Variants in EBF1 observed in about 807,000 individuals in gnomAD.
EBF1 encodes EBF transcription factor 1.
In EBF1, 10 loss-of-function variants were observed where a neutral mutation model predicts 68.4. The observed-to-expected ratio is 0.15, with a 90% CI of 0.09 to 0.25. EBF1 has a LOEUF of 0.25. Among genes scored for constraint, EBF1 ranks in the 10% least tolerant of loss-of-function variants. The pLI, the probability that EBF1 is intolerant of heterozygous loss-of-function variation, is 1.00. For synonymous variants in EBF1, 298 were observed against 299.8 expected (o/e 0.99, Z 0.06); for missense variants, 509 against 794.4 (o/e 0.64, Z 4.32).
intron 6 of EBF1, among the ~76,000 whole-genome samples, chr5:158,900,369 T>C (rs1803038220): frequency 6.6e-6 from 1 of 152,184 alleles, no homozygotes; most frequent in Non-Finnish European, 1.5e-5. Flanking sequence ...TTTTCCTTCC[T>C]AATGAAATCA....
At chr5:159,056,382 A>G (rs1774725836) in intron 6 of EBF1, among the ~76,000 whole-genome samples, 1 of 152,018 alleles carries the variant, frequency 6.6e-6, no homozygotes. Context: ...CCTTTGCCCC[A>G]TACTCTGAAA....
intron 6 of EBF1, among the ~76,000 whole-genome samples, chr5:158,943,690 T>C (rs1021557076): frequency 6.6e-6 from 1 of 152,114 alleles, no homozygotes; most frequent in Non-Finnish European, 1.5e-5. Flanking sequence ...GAAGTCTGAA[T>C]TCCTGGGAAA....
chr5:158,992,244 T>A (rs1760481769), intron 6 of EBF1, among the ~76,000 whole-genome samples: 1 of 151,722 alleles, frequency 6.6e-6, no homozygotes, highest in African/African-American at 2.4e-5. Flanking sequence ...AAAAAAGTAT[T>A]CCTTTTACCT....
intron 15 of EBF1, among the ~76,000 whole-genome samples, chr5:158,706,634 C>T (rs1203481447): frequency 6.6e-6 from 1 of 152,176 alleles, no homozygotes; most frequent in Non-Finnish European, 1.5e-5. Context: ...GCACTGCCTT[C>T]CTCACCCCTC....
chr5:159,015,923 G>A (rs1057390110), intron 6 of EBF1, among the ~76,000 whole-genome samples: 4 of 152,118 alleles, frequency 2.6e-5, no homozygotes, highest in African/African-American at 7.2e-5. Context: ...GTGGATTTGT[G>A]TTTACAGCCT....
chr5:159,009,620 GC>G, intron 6 of EBF1, among the ~76,000 whole-genome samples: 2 of 151,802 alleles, frequency 1.3e-5, no homozygotes, highest in Non-Finnish European at 2.9e-5. Flanking sequence ...CAAAAAACAA[GC>G]AAAAAAAATT....
rs1453993918 is a variant in EBF1 at position 158,712,285 on chromosome 5, C to T, written c.1418G>A (p.Ser473Asn). ...SSVSPHGYVP[S>N]TTPQQTNYNS... ...ATAGTTGGTCTGCTGGGGAGTGGTG[C>T]TCGGCACGTACCCGTGTGGTGATAC... Residue 473 changes from serine (S) to asparagine (N), a missense_variant, in exon 14 of 16, where the codon AGC (serine) becomes AAC (asparagine). Physicochemically the swap from Ser to Asn is conservative, Grantham distance 46 (BLOSUM62 1). Coordinates refer to ENST00000313708, the MANE Select transcript of EBF1 (RefSeq NM_024007.5). 7 of 1,614,058 alleles carry T rather than the reference C, an allele frequency of 4.3e-6. No homozygotes were observed. The highest frequency in any genetic ancestry group is 5.9e-6 in the Non-Finnish European group (7 of 1,180,002).
At chr5:159,056,973 G>C (rs1774873058) in intron 6 of EBF1, among the ~76,000 whole-genome samples, 1 of 152,106 alleles carries the variant, frequency 6.6e-6, no homozygotes, top group Non-Finnish European at 1.5e-5. Flanking sequence ...ATATGACATA[G>C]TATGAACAAG....
chr5:158,937,696 C>T (rs1217891179), intron 6 of EBF1, among the ~76,000 whole-genome samples: 1 of 152,196 alleles, frequency 6.6e-6, no homozygotes, highest in East Asian at 1.9e-4. Flanking sequence ...GAAGCCCCAT[C>T]GCTTGAGGTG....
At chr5:158,876,257 T>C (rs1463859797) in intron 6 of EBF1, among the ~76,000 whole-genome samples, 2 of 152,198 alleles carry the variant, frequency 1.3e-5, no homozygotes, top group Non-Finnish European at 2.9e-5. Context: ...CTGTCTCCTT[T>C]AGCCTCCCAA....
At chr5:158,806,066 C>A (rs984580575) in intron 8 of EBF1, among the ~76,000 whole-genome samples, 1 of 151,916 alleles carries the variant, frequency 6.6e-6, no homozygotes, top group African/African-American at 2.4e-5. Context: ...ATGTATATAT[C>A]CCTAGAAGCA....
intron 7 of EBF1, among the ~76,000 whole-genome samples, chr5:158,832,625 A>G (rs1206089545): frequency 6.6e-6 from 1 of 152,190 alleles, no homozygotes; most frequent in Non-Finnish European, 1.5e-5. Context: ...GGTGGAGGAG[A>G]AATAAAGAAG....
chr5:158,860,799 G>A (rs945480477), intron 6 of EBF1, among the ~76,000 whole-genome samples: 6 of 152,012 alleles, frequency 3.9e-5, no homozygotes, highest in African/African-American at 1.2e-4. Flanking sequence ...TGTGTGTCTC[G>A]GCGCATAAAT....
intron 8 of EBF1, among the ~76,000 whole-genome samples, chr5:158,813,520 C>A (rs1380440222): frequency 1.3e-5 from 2 of 152,142 alleles, no homozygotes. Context: ...GCAGAGATGG[C>A]CAAGGTGGAG....
chr5:158,900,708 A>C (rs2127293274), intron 6 of EBF1, among the ~76,000 whole-genome samples: 1 of 152,360 alleles, frequency 6.6e-6, no homozygotes, highest in Admixed American at 6.5e-5. Context: ...CTGCAACAGC[A>C]ACTGCCATTT....
intron 11 of EBF1, among the ~76,000 whole-genome samples, chr5:158,720,230 G>A (rs1484220719): frequency 6.6e-6 from 1 of 152,110 alleles, no homozygotes; most frequent in Non-Finnish European, 1.5e-5. Context: ...TCAGCTCCTA[G>A]ACTTTAAGTC....
chr5:158,939,772 C>T (rs1373697382), intron 6 of EBF1, among the ~76,000 whole-genome samples: 1 of 151,936 alleles, frequency 6.6e-6, no homozygotes, highest in Non-Finnish European at 1.5e-5. Flanking sequence ...GGGGAGGCTG[C>T]GAGGTAGCTC....
At chr5:159,061,667 G>A (rs933726102) in intron 6 of EBF1, among the ~76,000 whole-genome samples, 3 of 151,994 alleles carry the variant, frequency 2.0e-5, no homozygotes, top group Admixed American at 6.5e-5. Flanking sequence ...GGAAGCCGAA[G>A]AATCGAAACA....
At chr5:158,708,239 G>A in intron 14 of EBF1, 66 bp from the exon 15 acceptor site, 1 of 1,489,800 alleles carries the variant, frequency 6.7e-7, no homozygotes, top group Non-Finnish European at 9.1e-7. Context: ...AAGAAGCTCA[G>A]ATCCATCCCT....
Sources: allele counts gnomAD v4.1 joint callset (sites outside exome capture counted in the v4.1 genomes callset), GRCh38; gene constraint gnomAD v4.1.1; transcripts MANE v1.5; gene names NCBI Gene and HGNC (gene_info 2026-07-23, HGNC 2026-07-21).